The following LCLAT1 variants were observed in gnomAD, a reference collection of about 807,000 sequenced individuals.
LCLAT1 encodes lysocardiolipin acyltransferase 1.
LCLAT1 carries 11 observed loss-of-function variants against 30.7 expected under a neutral mutation model. The observed-to-expected ratio is 0.36, with a 90% CI of 0.23 to 0.59. LCLAT1 has a LOEUF of 0.59. LCLAT1 is among the 20% of genes least tolerant of loss of function. The pLI is 0.77. For synonymous variants in LCLAT1, 155 were observed against 151.3 expected (o/e 1.02, Z -0.18); for missense variants, 402 against 458.6 (o/e 0.88, Z 1.13).
intron 1 of LCLAT1, among the ~76,000 whole-genome samples, chr2:30,462,184 A>T (rs949876867): frequency 1.3e-5 from 2 of 152,236 alleles, no homozygotes; most frequent in African/African-American, 2.4e-5. Flanking sequence ...ACTGGAGTCC[A>T]ATAGGCTCAA....
intron 4 of LCLAT1, 98 bp downstream of exon 4, chr2:30,562,390 TC>T: frequency 1.0e-6 from 1 of 971,884 alleles, no homozygotes; most frequent in Non-Finnish European, 1.5e-6. Context: ...TAATGGCTCT[TC>T]CAGGTGTGGT....
At chr2:30,507,038 C>T (rs998642634) in intron 1 of LCLAT1, among the ~76,000 whole-genome samples, 1 of 151,946 alleles carries the variant, frequency 6.6e-6, no homozygotes, top group African/African-American at 2.4e-5. Flanking sequence ...TAAAATATTT[C>T]TATTTTTATT....
chr2:30,524,817 G>A (rs1685631045), intron 1 of LCLAT1, among the ~76,000 whole-genome samples: 1 of 151,960 alleles, frequency 6.6e-6, no homozygotes, highest in African/African-American at 2.4e-5. Flanking sequence ...ACTTTATCAT[G>A]GTATGTATGT....
intron 1 of LCLAT1, among the ~76,000 whole-genome samples, chr2:30,523,356 T>C (rs1685565402): frequency 1.3e-5 from 2 of 151,490 alleles, no homozygotes; most frequent in African/African-American, 4.9e-5. Context: ...AAGTTGAGGA[T>C]AGGTGGTAAC....
At chr2:30,604,690 A>G (rs988475272) in intron 5 of LCLAT1, among the ~76,000 whole-genome samples, 1 of 150,164 alleles carries the variant, frequency 6.7e-6, no homozygotes, top group African/African-American at 2.4e-5. Flanking sequence ...AAAAGTAAAC[A>G]TCATTCGTAG....
At chr2:30,624,903 T>C (rs909574844) in intron 5 of LCLAT1, among the ~76,000 whole-genome samples, 1 of 152,290 alleles carries the variant, frequency 6.6e-6, no homozygotes, top group Admixed American at 6.5e-5. Flanking sequence ...AATGAAATTA[T>C]ATCCAGTACT....
chr2:30,626,329 T>C (rs760897355), intron 5 of LCLAT1, among the ~76,000 whole-genome samples: 31 of 152,220 alleles, frequency 2.0e-4, no homozygotes, highest in Non-Finnish European at 4.3e-4. Context: ...GCTCTTGTTT[T>C]CACATTGAAT....
Position 30,471,736 on chromosome 2 carries a change from C to T in LCLAT1, c.-5+24353C>T, listed in dbSNP as rs183730510. Reference sequence around the variant, plus strand: ...TGGTTTTTGTGTGTTGATCTCGTACCCTTCAACTTTGCTGAATTTATTAGC... The same window carrying T: ...TGGTTTTTGTGTGTTGATCTCGTACTCTTCAACTTTGCTGAATTTATTAGC... On this transcript the variant is annotated intron_variant, in intron 1 of 5. Coordinates refer to ENST00000379509, the MANE Select transcript of LCLAT1 (RefSeq NM_001002257.3). 7.6e-5 allele frequency among the ~76,000 whole-genome samples: 11 copies of T among 144,972 alleles called. No individual in the cohort carries two copies. The East Asian group carries it at 2.3e-3, about 30-fold the overall frequency.
intron 5 of LCLAT1, among the ~76,000 whole-genome samples, chr2:30,570,901 A>G (rs1665749597): frequency 6.6e-6 from 1 of 152,112 alleles, no homozygotes; most frequent in Non-Finnish European, 1.5e-5. Flanking sequence ...TCAAGTGAAT[A>G]AAGAGAGAAA....
intron 5 of LCLAT1, among the ~76,000 whole-genome samples, chr2:30,598,709 T>G (rs191726242): frequency 1.5e-3 from 233 of 152,292 alleles, no homozygotes; most frequent in African/African-American, 5.3e-3. Flanking sequence ...GGAGTGTGTT[T>G]GCTCTTGGTT....
chr2:30,561,481 T>C (rs1665219467), intron 3 of LCLAT1, among the ~76,000 whole-genome samples: 1 of 152,214 alleles, frequency 6.6e-6, no homozygotes, highest in African/African-American at 2.4e-5. Flanking sequence ...CTGGTCATTG[T>C]GGCTGGGGAG....
At chr2:30,466,075 T>A (rs1002533323) in intron 1 of LCLAT1, among the ~76,000 whole-genome samples, 1 of 152,112 alleles carries the variant, frequency 6.6e-6, no homozygotes, top group African/African-American at 2.4e-5. Context: ...TGACAAACTA[T>A]TTTTCTTGCT....
At chr2:30,615,826 T>G (rs1436920392) in intron 5 of LCLAT1, among the ~76,000 whole-genome samples, 1 of 152,152 alleles carries the variant, frequency 6.6e-6, no homozygotes, top group Non-Finnish European at 1.5e-5. Flanking sequence ...AAAAAACACA[T>G]CAAGAGTACT....
At chr2:30,575,002 G>C (rs1351921063) in intron 5 of LCLAT1, among the ~76,000 whole-genome samples, 3 of 152,258 alleles carry the variant, frequency 2.0e-5, no homozygotes, top group African/African-American at 7.2e-5. Flanking sequence ...GTCCTAGTCT[G>C]TGTGGCTCTT....
intron 5 of LCLAT1, among the ~76,000 whole-genome samples, chr2:30,635,033 C>G (rs10469986): frequency 0.12 from 18,385 of 152,180 alleles, 1,299 homozygotes; most frequent in South Asian, 0.22. Context: ...CTCTTCTACT[C>G]AAGAAGTACA....
intron 2 of LCLAT1, 74 bp downstream of exon 2, chr2:30,525,829 T>A: frequency 1.5e-6 from 2 of 1,314,934 alleles, no homozygotes; most frequent in Non-Finnish European, 2.2e-6. Context: ...CCTAAATCCA[T>A]GGATGTTCAA....
intron 3 of LCLAT1, among the ~76,000 whole-genome samples, chr2:30,549,353 A>G (rs1306321302): frequency 1.3e-5 from 2 of 152,208 alleles, no homozygotes; most frequent in African/African-American, 4.8e-5. Context: ...TAGGAAGCGA[A>G]TTTCACCTCT....
At chr2:30,613,080 T>C (rs946965320) in intron 5 of LCLAT1, among the ~76,000 whole-genome samples, 3 of 152,048 alleles carry the variant, frequency 2.0e-5, no homozygotes, top group Non-Finnish European at 4.4e-5. Context: ...ATAACGTGCC[T>C]GAGATGAGAA....
At chr2:30,560,322 GT>G (rs1665145943) in intron 3 of LCLAT1, among the ~76,000 whole-genome samples, 1 of 139,344 alleles carries the variant, frequency 7.2e-6, no homozygotes, top group South Asian at 2.2e-4. Flanking sequence ...GTGTGTGTGT[GT>G]GTATTATTTA....
Sources: allele counts gnomAD v4.1 joint callset (sites outside exome capture counted in the v4.1 genomes callset), GRCh38; gene constraint gnomAD v4.1.1; transcripts MANE v1.5; gene names NCBI Gene and HGNC (gene_info 2026-07-23, HGNC 2026-07-21).